The following LZTFL1 variants were observed in gnomAD, a reference collection of about 807,000 sequenced individuals.
LZTFL1 encodes leucine zipper transcription factor like 1.
A neutral mutation model predicts 45.9 loss-of-function variants in LZTFL1; 25 were observed. The observed-to-expected ratio is 0.54, with a 90% CI of 0.40 to 0.76. The LOEUF (loss-of-function observed/expected upper bound fraction) is 0.76, where lower values mean the gene tolerates loss of function less well. LZTFL1 is among the 30% of genes least tolerant of loss of function. The pLI is 0.00. For missense variants in LZTFL1, 277 were observed against 331.1 expected, an observed-to-expected ratio of 0.84 and a Z score of 1.27; for synonymous variants, 93 against 117.4, an observed-to-expected ratio of 0.79 and a Z score of 1.35.
chr3:45,848,930 A>G (rs772806637), intron 4 of LZTFL1, among the ~76,000 whole-genome samples: 1 of 152,208 alleles, frequency 6.6e-6, no homozygotes, highest in Non-Finnish European at 1.5e-5. Context: ...TTTCCAATAT[A>G]TTAATTGAAA....
chr3:45,837,398 T>C (rs536391817), intron 2 of LZTFL1, among the ~76,000 whole-genome samples: 2 of 152,354 alleles, frequency 1.3e-5, no homozygotes, highest in South Asian at 4.1e-4. Flanking sequence ...TTTTCACTTA[T>C]ATCTGACTTG....
intron 2 of LZTFL1, among the ~76,000 whole-genome samples, chr3:45,887,660 A>G (rs777204563): frequency 4.6e-5 from 7 of 152,208 alleles, no homozygotes; most frequent in Admixed American, 1.3e-4. Context: ...CTAATTTACT[A>G]TTTCAGCATC....
At position 45,901,700 on chromosome 3, in the gene LZTFL1, C is replaced by T; in HGVS notation, c.-215+11420G>A. On this transcript the variant is annotated intron_variant, in intron 2 of 4. Coordinates refer to the LZTFL1 transcript ENST00000472635. This position sits in a 1 kb window ranked among gnomAD's most constrained non-coding sequence, Gnocchi z 4.3. ...ACATCTGCTTCCAGGTCACCCAGAC[C>T]ATCGCCTTCTTCCACAGTTGCCTGA... is the stretch of plus-strand genomic sequence containing the variant. 1 of 1,614,152 alleles carries T rather than the reference C, an allele frequency of 6.2e-7. No homozygotes were observed. The highest frequency in any genetic ancestry group is 8.5e-7 in the Non-Finnish European group (1 of 1,179,970).
chr3:45,827,342 T>A lies in LZTFL1; in HGVS notation c.881+14A>T. The A allele has an allele frequency of 6.5e-7, 1 of 1,546,136 alleles. No homozygotes were observed. Among genetic ancestry groups the A allele is most frequent in the Non-Finnish European group, 8.9e-7 (1 of 1,118,426 alleles). ...CAGAGAGAGAAATCCAAAGGCGGGA[T>A]CAGTGTGGCTTACTGTGCCAGTCTT... On this transcript the variant is annotated intron_variant, in intron 9 of 9. Transcript: ENST00000296135.
intron 4 of LZTFL1, among the ~76,000 whole-genome samples, chr3:45,848,555 C>T (rs1391506275): frequency 6.6e-6 from 1 of 152,170 alleles, no homozygotes; most frequent in African/African-American, 2.4e-5. Flanking sequence ...GATAATTAGC[C>T]TCATAGCTAT....
At chr3:45,895,455 A>C (rs1702323448) in intron 2 of LZTFL1, among the ~76,000 whole-genome samples, 1 of 152,264 alleles carries the variant, frequency 6.6e-6, no homozygotes. Flanking sequence ...TCACGCCTGT[A>C]ATCCCAGCAC....
intron 3 of LZTFL1, chr3:45,834,855 C>A (rs1559403634): frequency 6.5e-6 from 1 of 152,768 alleles, no homozygotes; most frequent in Non-Finnish European, 1.5e-5. Flanking sequence ...CTTCTTAAAG[C>A]ACCACCTTCT....
At chr3:45,871,506 A>T (rs906111007) in intron 2 of LZTFL1, among the ~76,000 whole-genome samples, 1 of 152,212 alleles carries the variant, frequency 6.6e-6, no homozygotes, top group African/African-American at 2.4e-5. Context: ...CATTTGAAAA[A>T]TATGTGTTAT....
At chr3:45,905,304 G>A (rs1254474151) in intron 2 of LZTFL1, among the ~76,000 whole-genome samples, 1 of 152,100 alleles carries the variant, frequency 6.6e-6, no homozygotes, top group Non-Finnish European at 1.5e-5. Flanking sequence ...ACATGCTCCT[G>A]GGACAATGAG....
chr3:45,828,427 T>C lies in LZTFL1; in HGVS notation c.777+12A>G. ...CATTAACAGACAAATCCCTTAAACA[T>C]GGTCTTCTGACCTTTTCAGCCATGT... On this transcript the variant is annotated intron_variant, in intron 8 of 9. Coordinates refer to ENST00000296135, the MANE Select transcript of LZTFL1 (RefSeq NM_020347.4). The C allele has an allele frequency of 6.2e-7, 1 of 1,610,760 alleles. No homozygotes were observed. Among genetic ancestry groups the C allele is most frequent in the Non-Finnish European group, 8.5e-7 (1 of 1,178,774 alleles).
chr3:45,914,427 C>T (rs372074923), intron 1 of LZTFL1, among the ~76,000 whole-genome samples: 3 of 151,950 alleles, frequency 2.0e-5, no homozygotes, highest in Non-Finnish European at 2.9e-5. Context: ...GGACTAGAGG[C>T]GCCTGGCTAA....
Position 45,834,298 on chromosome 3 carries a change from T to C in LZTFL1, c.324A>G (p.Arg108=), listed in dbSNP as rs761915826. 4 of 1,565,024 alleles carry C rather than the reference T, an allele frequency of 2.6e-6. No homozygotes were observed. Among genetic ancestry groups the C allele is most frequent in the Non-Finnish European group, 3.5e-6 (4 of 1,139,322 alleles). ...ATTCTGCAACTTGTTCTAATAATTC[T>C]CTTGAAGAAGAAAGCAAAGATAAAA... ...LQTDISELEN[R]ELLEQVAEFE... Residue 108 remains arginine (R), a splice_region_variant and synonymous_variant, in exon 4 of 10, where the codon CGA becomes CGG. Coordinates refer to ENST00000296135, the MANE Select transcript of LZTFL1 (RefSeq NM_020347.4).
chr3:45,857,058 G>C (rs1701404869), intron 3 of LZTFL1, among the ~76,000 whole-genome samples: 1 of 152,146 alleles, frequency 6.6e-6, no homozygotes, highest in African/African-American at 2.4e-5. Flanking sequence ...CTATGATAAA[G>C]ATACATGCAT....
At chr3:45,866,313 A>G (rs1482135342) in intron 2 of LZTFL1, among the ~76,000 whole-genome samples, 2 of 152,226 alleles carry the variant, frequency 1.3e-5, no homozygotes, top group African/African-American at 2.4e-5. Flanking sequence ...ATGAATCTAC[A>G]AAAAAGTAAT....
intron 2 of LZTFL1, among the ~76,000 whole-genome samples, chr3:45,871,680 T>A (rs936613829): frequency 5.3e-5 from 8 of 152,176 alleles, no homozygotes; most frequent in Non-Finnish European, 2.9e-5. Flanking sequence ...GTGCATTTTT[T>A]TTTTTCCATA....
intron 2 of LZTFL1, among the ~76,000 whole-genome samples, chr3:45,896,280 T>A (rs1702353001): frequency 6.6e-6 from 1 of 152,318 alleles, no homozygotes; most frequent in South Asian, 2.1e-4. Context: ...GGATCTTGGA[T>A]AATAGCCAAC....
At chr3:45,874,685 T>A (rs957934137) in intron 2 of LZTFL1, among the ~76,000 whole-genome samples, 1 of 152,218 alleles carries the variant, frequency 6.6e-6, no homozygotes, top group Non-Finnish European at 1.5e-5. Context: ...GACTTTGTAG[T>A]TCTTCCCATT....
chr3:45,904,271 C>T (rs1397116964), intron 2 of LZTFL1, among the ~76,000 whole-genome samples: 1 of 152,226 alleles, frequency 6.6e-6, no homozygotes, highest in Non-Finnish European at 1.5e-5. Flanking sequence ...CAGAGTTCAG[C>T]AGCTAGGAAA....
At chr3:45,889,075 T>A (rs1022060603) in intron 2 of LZTFL1, among the ~76,000 whole-genome samples, 1 of 152,226 alleles carries the variant, frequency 6.6e-6, no homozygotes, top group Admixed American at 6.5e-5. Flanking sequence ...AGCCTTGAAC[T>A]CCTGGGTTCA....
Sources: allele counts gnomAD v4.1 joint callset (sites outside exome capture counted in the v4.1 genomes callset), GRCh38; gene constraint gnomAD v4.1.1; non-coding constraint Gnocchi (gnomAD v3.1); transcripts MANE v1.5; gene names NCBI Gene and HGNC (gene_info 2026-07-23, HGNC 2026-07-21).